MTF2: variants seen among roughly 807,000 people sequenced by gnomAD.
MTF2 encodes metal response element binding transcription factor 2, also known as metal-response element-binding transcription factor 2.
A neutral mutation model predicts 79.5 loss-of-function variants in MTF2; 11 were observed. That is an observed-to-expected ratio of 0.14 (90% CI 0.09 to 0.23). MTF2 has a LOEUF of 0.23. MTF2 is among the 10% of genes least tolerant of loss of function. MTF2 has a pLI of 1.00. For synonymous variants in MTF2, 208 were observed against 232.8 expected (o/e 0.89, Z 0.97); for missense variants, 486 against 711.2 (o/e 0.68, Z 3.60).
intron 6 of MTF2, among the ~76,000 whole-genome samples, 167 bp downstream of exon 6, chr1:93,115,785 G>GT (rs1656225746): frequency 6.6e-6 from 1 of 152,076 alleles, no homozygotes; most frequent in Admixed American, 6.5e-5. Context: ...TTTTCATCTA[G>GT]TTTTTGATCA....
intron 9 of MTF2, chr1:93,121,837 T>C: frequency 8.8e-6 from 6 of 684,894 alleles, no homozygotes; most frequent in Non-Finnish European, 1.1e-5. Flanking sequence ...AGTCTTGCTC[T>C]GTCACCCAGG....
intron 10 of MTF2, chr1:93,128,963 G>A (rs1184180380): frequency 5.5e-6 from 1 of 182,764 alleles, no homozygotes; most frequent in Non-Finnish European, 1.1e-5. Flanking sequence ...CACTAAATAT[G>A]GGAAAGCATA....
At chr1:93,089,093 T>C (rs1420446962) in intron 1 of MTF2, among the ~76,000 whole-genome samples, 3 of 152,172 alleles carry the variant, frequency 2.0e-5, no homozygotes, top group Non-Finnish European at 4.4e-5. Flanking sequence ...AACACCTCTG[T>C]TCATTCTCTA....
intron 1 of MTF2, among the ~76,000 whole-genome samples, chr1:93,080,287 T>A (rs1281090263): frequency 6.6e-6 from 1 of 152,182 alleles, no homozygotes; most frequent in African/African-American, 2.4e-5. Context: ...CTCAAGGAAT[T>A]TTAACCAATT....
chr1:93,088,689 C>A (rs932075258), intron 1 of MTF2, among the ~76,000 whole-genome samples: 1 of 152,092 alleles, frequency 6.6e-6, no homozygotes, highest in Non-Finnish European at 1.5e-5. Flanking sequence ...CTTCAGCCAC[C>A]CAAGTAGCTG....
At chr1:93,082,941 G>C (rs1164913099) in intron 1 of MTF2, among the ~76,000 whole-genome samples, 1 of 152,238 alleles carries the variant, frequency 6.6e-6, no homozygotes, top group East Asian at 1.9e-4. Flanking sequence ...GACATTTCAT[G>C]TAAATGGAGT....
intron 1 of MTF2, among the ~76,000 whole-genome samples, chr1:93,084,371 A>G (rs1217807762): frequency 6.6e-6 from 1 of 152,226 alleles, no homozygotes; most frequent in Admixed American, 6.5e-5. Context: ...GGACTGTACC[A>G]TAATATTTTA....
At position 93,137,127 on chromosome 1, in the gene MTF2, A is replaced by G. The variant is rs958068692; in HGVS notation, c.*100A>G. ...CTTTTACTATCTTTCTTAAAAAAAA[A>G]AAAAAGTCAAAAAAATTCAAAAAAG... is the stretch of plus-strand genomic sequence containing the variant. On this transcript the variant is annotated 3_prime_UTR_variant, in exon 15 of 15. Coordinates refer to ENST00000370298, the MANE Select transcript of MTF2 (RefSeq NM_007358.4). 2.3e-5 allele frequency: 23 copies of G among 1,021,856 alleles called. No homozygotes were observed. The highest frequency in any genetic ancestry group is 3.2e-5 in the Non-Finnish European group (23 of 714,686). 63.3% of individuals were successfully genotyped at this position (1,021,856 alleles called of 1,614,324 possible).
At chr1:93,084,846 C>T (rs1261912606) in intron 1 of MTF2, among the ~76,000 whole-genome samples, 1 of 152,022 alleles carries the variant, frequency 6.6e-6, no homozygotes, top group African/African-American at 2.4e-5. Context: ...CACTGCACTC[C>T]AGCCTGGGTG....
intron 1 of MTF2, among the ~76,000 whole-genome samples, chr1:93,085,337 G>A (rs966640986): frequency 1.2e-4 from 18 of 151,650 alleles, no homozygotes; most frequent in Admixed American, 7.2e-4. Flanking sequence ...CACCATGCCC[G>A]GCTAATTTTT....
intron 1 of MTF2, among the ~76,000 whole-genome samples, chr1:93,084,194 G>T (rs1654738547): frequency 6.6e-6 from 1 of 151,892 alleles, no homozygotes; most frequent in South Asian, 2.1e-4. Flanking sequence ...TCCAACTTCA[G>T]TGTTTTGCAT....
intron 10 of MTF2, 72 bp from the exon 11 acceptor site, chr1:93,129,206 A>C (rs1368576872): frequency 3.6e-6 from 4 of 1,097,034 alleles, no homozygotes; most frequent in Non-Finnish European, 5.0e-6. Flanking sequence ...TTATATATGA[A>C]AGTTAAGTTA....
chr1:93,101,458 C>T (rs1027762696), intron 1 of MTF2, among the ~76,000 whole-genome samples: 2 of 145,472 alleles, frequency 1.4e-5, no homozygotes, highest in Non-Finnish European at 3.0e-5. Context: ...CAGCTCACTG[C>T]AGTCTCGAAC....
intron 1 of MTF2, among the ~76,000 whole-genome samples, chr1:93,098,461 A>G (rs2101037232): frequency 6.6e-6 from 1 of 152,298 alleles, no homozygotes; most frequent in African/African-American, 2.4e-5. Context: ...AACACCTGGC[A>G]TGGTACCTGG....
chr1:93,090,038 A>G (rs1655010506), intron 1 of MTF2, among the ~76,000 whole-genome samples: 1 of 151,966 alleles, frequency 6.6e-6, no homozygotes. Flanking sequence ...GCGCGGTAGC[A>G]CGATCTCGGC....
At chr1:93,081,857 T>C (rs1188143065) in intron 1 of MTF2, among the ~76,000 whole-genome samples, 1 of 152,226 alleles carries the variant, frequency 6.6e-6, no homozygotes, top group Admixed American at 6.5e-5. Flanking sequence ...GCTACTGTAT[T>C]GGACAGCACA....
At chr1:93,109,222 G>GGT (rs1213211056) in intron 1 of MTF2, among the ~76,000 whole-genome samples, 1 of 151,934 alleles carries the variant, frequency 6.6e-6, no homozygotes, top group Non-Finnish European at 1.5e-5. Context: ...AGCTGATGGT[G>GGT]GTATGCTTTG....
intron 1 of MTF2, among the ~76,000 whole-genome samples, chr1:93,086,132 A>G (rs535582824): frequency 2.0e-5 from 3 of 152,260 alleles, no homozygotes; most frequent in South Asian, 2.1e-4. Flanking sequence ...CCACTGCTGT[A>G]TATGTAATCT....
chr1:93,110,910 G>A (rs893901125), intron 3 of MTF2, among the ~76,000 whole-genome samples: 4 of 152,262 alleles, frequency 2.6e-5, no homozygotes, highest in Admixed American at 6.5e-5. Flanking sequence ...AACGGTTTGG[G>A]ATTCAATTCA....
Sources: allele counts gnomAD v4.1 joint callset (sites outside exome capture counted in the v4.1 genomes callset), GRCh38; gene constraint gnomAD v4.1.1; transcripts MANE v1.5; gene names NCBI Gene and HGNC (gene_info 2026-07-23, HGNC 2026-07-21).